Variants in TTLL5 observed in about 807,000 individuals in gnomAD.
TTLL5 encodes tubulin polyglutamylase TTLL5.
In TTLL5, 132 loss-of-function variants were observed where a neutral mutation model predicts 168.4. That is an observed-to-expected ratio of 0.78 (90% CI 0.68 to 0.91). The LOEUF is 0.91. Among genes scored for constraint, TTLL5 ranks in the 40% least tolerant of loss-of-function variants. TTLL5 has a pLI of 0.00. For synonymous variants in TTLL5, 546 were observed against 558.6 expected, an observed-to-expected ratio of 0.98 and a Z score of 0.32; for missense variants, 1,545 against 1,581.5, an observed-to-expected ratio of 0.98 and a Z score of 0.39.
intron 2 of TTLL5, among the ~76,000 whole-genome samples, chr14:75,665,294 A>G (rs558368333): frequency 6.6e-6 from 1 of 152,226 alleles, no homozygotes; most frequent in African/African-American, 2.4e-5. Context: ...AACAACATGA[A>G]GACTGTTTTT....
intron 20 of TTLL5, among the ~76,000 whole-genome samples, chr14:75,770,305 A>G (rs1799576896): frequency 6.6e-6 from 1 of 151,872 alleles, no homozygotes; most frequent in South Asian, 2.1e-4. Context: ...TGAAGCTCTT[A>G]TGTATTAAAC....
In TTLL5 at chr14:75,698,876, G is replaced by A. The variant is rs187331462; in HGVS notation, c.503-312G>A. ...GCTATGGAAGCACCACTGCACTCCAGCCTGGTCAACAGAGCAAAGACCCTG... is the reference window on the plus strand; with the variant it reads ...GCTATGGAAGCACCACTGCACTCCAACCTGGTCAACAGAGCAAAGACCCTG... On this transcript the variant is annotated intron_variant, in intron 6 of 31. Coordinates refer to ENST00000298832, the MANE Select transcript of TTLL5 (RefSeq NM_015072.5). Among the ~76,000 whole-genome samples, 197 of 151,350 alleles carry A rather than the reference G, an allele frequency of 1.3e-3. 2 individuals carry two copies. In the Middle Eastern group the frequency reaches 0.027, roughly 21 times the overall value.
At chr14:75,758,126 A>T (rs987731533) in intron 18 of TTLL5, among the ~76,000 whole-genome samples, 76 of 152,196 alleles carry the variant, frequency 5.0e-4, no homozygotes, top group Admixed American at 3.3e-4. Context: ...GAGAGTATTA[A>T]TGAGATTTTG....
chr14:75,843,858 T>TTTTG, intron 28 of TTLL5, among the ~76,000 whole-genome samples: 1 of 36,810 alleles, frequency 2.7e-5, no homozygotes, highest in Non-Finnish European at 4.4e-5. Context: ...ATTTATTTTA[T>TTTTG]TTTGTTTTGT....
At chr14:75,866,037 T>C (rs188663654) in intron 29 of TTLL5, among the ~76,000 whole-genome samples, 9 of 152,310 alleles carry the variant, frequency 5.9e-5, no homozygotes, top group Middle Eastern at 3.4e-3. Flanking sequence ...TCTGGGACTG[T>C]AGGAGAGAGC....
At chr14:75,904,312 C>T (rs1388309878) in intron 31 of TTLL5, 14 of 972,170 alleles carry the variant, frequency 1.4e-5, no homozygotes, top group Non-Finnish European at 1.8e-5. Context: ...GAAGTAATGG[C>T]ACAAGGGAAT....
At position 75,735,271 on chromosome 14, in the gene TTLL5, C is replaced by A; in HGVS notation, c.1263C>A (p.Asn421Lys). 1 of 1,614,180 alleles carries A rather than the reference C, an allele frequency of 6.2e-7. No individual in the cohort carries two copies. The highest frequency in any genetic ancestry group is 8.5e-7 in the Non-Finnish European group (1 of 1,179,994). Residue 421 changes from asparagine (N) to lysine (K), a missense_variant, in exon 15 of 32, where the codon AAC becomes AAA. Asn to Lys is a moderately conservative substitution (Grantham distance 94, BLOSUM62 0). Coordinates refer to ENST00000298832, the MANE Select transcript of TTLL5 (RefSeq NM_015072.5). ...CCACCTTTGAGTCTTCCAGGCGAAA[C>A]CCTTTCCAGAAACCTCAGGTAAGCC... Reference protein sequence around the residue: ...IYPTFESSRRNPFQKPQRCRP... With the variant: ...IYPTFESSRRKPFQKPQRCRP...
rs1384367482 is a variant in TTLL5 at position 75,954,432 on chromosome 14, C to T, written c.3832C>T (p.His1278Tyr). 3 of 1,613,982 alleles carry T rather than the reference C, an allele frequency of 1.9e-6. No homozygotes were observed. The highest frequency in any genetic ancestry group is 1.1e-5 in the South Asian group (1 of 91,072). ...VPITSSTDPAHTKI is the reference protein window; with the variant it reads ...VPITSSTDPAYTKI ...GCCTTTCTCTTTTTCAGATCCTGCT[C>T]ACACTAAAATATGAACCACAAACAC... The change falls in exon 32 of 32, where the codon CAC becomes TAC. Residue 1278 changes from histidine (H) to tyrosine (Y), a missense_variant. Transcript: ENST00000298832.
At position 75,876,108 on chromosome 14, in the gene TTLL5, T is replaced by C. The variant is rs555901169; in HGVS notation, c.3523-6577T>C. 1.7e-3 allele frequency among the ~76,000 whole-genome samples: 266 copies of C among 152,326 alleles called. 1 individual carries two copies. The highest frequency in any genetic ancestry group is 2.8e-3 in the Non-Finnish European group (190 of 68,026). ...GTGTCTGATTGGTTTTGTGGCTAGA[T>C]GAAGGTGTGGCTGCTAATAAGGGAA... On this transcript the variant is annotated intron_variant, in intron 29 of 31. Transcript: ENST00000298832.
intron 28 of TTLL5, among the ~76,000 whole-genome samples, chr14:75,828,574 G>T (rs538641456): frequency 6.6e-6 from 1 of 152,166 alleles, no homozygotes; most frequent in East Asian, 1.9e-4. Context: ...TTTTTGTGGG[G>T]GGTCAGAAGT....
intron 12 of TTLL5, among the ~76,000 whole-genome samples, chr14:75,731,374 T>TACACACACACACAC (rs3031047): frequency 2.1e-4 from 29 of 139,326 alleles, no homozygotes; most frequent in East Asian, 1.7e-3. Flanking sequence ...TACACATACA[T>TACACACACACACAC]ACACACACAC....
intron 20 of TTLL5, among the ~76,000 whole-genome samples, chr14:75,771,220 A>T (rs1050263028): frequency 2.4e-4 from 36 of 152,158 alleles, no homozygotes; most frequent in Non-Finnish European, 4.3e-4. Flanking sequence ...TGAGGCCAGG[A>T]GTTCGAGACC....
chr14:75,789,663 G>A (rs1892577442), intron 26 of TTLL5, among the ~76,000 whole-genome samples: 1 of 152,164 alleles, frequency 6.6e-6, no homozygotes, highest in Non-Finnish European at 1.5e-5. Flanking sequence ...ATTTAGAAAG[G>A]AAAGGAAGTT....
At chr14:75,802,431 A>G (rs914771869) in intron 27 of TTLL5, among the ~76,000 whole-genome samples, 2 of 152,230 alleles carry the variant, frequency 1.3e-5, no homozygotes, top group African/African-American at 4.8e-5. Flanking sequence ...AGTTGAATTT[A>G]AATTACTTGT....
intron 29 of TTLL5, 29 bp from the exon 30 acceptor site, chr14:75,882,656 C>G (rs773756586): frequency 6.3e-7 from 1 of 1,586,282 alleles, no homozygotes; most frequent in East Asian, 2.2e-5. Context: ...TGATGTCCAT[C>G]GATCATTTTT....
At position 75,902,464 on chromosome 14, in the gene TTLL5, G is replaced by A. The variant is rs187831234; in HGVS notation, c.3823+240G>A. The A allele has an allele frequency of 6.6e-4, 438 of 665,542 alleles. 4 individuals carry two copies. Among genetic ancestry groups the A allele is most frequent in the Non-Finnish European group, 8.2e-4 (299 of 362,564 alleles). The allele number at this position is 665,542 out of a possible 1,614,324, so 41.2% of individuals were successfully genotyped here. The stretch of plus-strand genomic sequence containing the variant: ...ATGAAACCTCGCCATCTTATAAAAT[G>A]CTGTCAGATTTGCAGCATTTAATAC... On this transcript the variant is annotated intron_variant, in intron 31 of 31. Transcript: ENST00000298832.
chr14:75,727,710 TGATA>T (rs1257282872), intron 12 of TTLL5: 3 of 351,116 alleles, frequency 8.5e-6, no homozygotes, highest in African/African-American at 2.2e-5. Flanking sequence ...CAAAAAGCAA[TGATA>T]GATGGATGAA....
intron 30 of TTLL5, among the ~76,000 whole-genome samples, chr14:75,898,159 A>G (rs1437569114): frequency 2.0e-5 from 3 of 152,220 alleles, no homozygotes; most frequent in Non-Finnish European, 2.9e-5. Context: ...TATCACACAC[A>G]TATTTAACTT....
At chr14:75,766,495 G>T in intron 20 of TTLL5, 127 bp downstream of exon 20, 1 of 945,780 alleles carries the variant, frequency 1.1e-6, no homozygotes, top group East Asian at 2.7e-5. Flanking sequence ...ATGAAATAAT[G>T]ACTGTGATTA....
Sources: gnomAD v4.1 joint callset for allele counts (sites outside exome capture counted in the v4.1 genomes callset) on GRCh38, gnomAD v4.1.1 for gene constraint, MANE v1.5 for transcripts, NCBI Gene and HGNC (gene_info 2026-07-23, HGNC 2026-07-21) for gene names.